Variants in PDE9A observed in about 807,000 individuals in gnomAD.
The protein encoded by PDE9A is phosphodiesterase 9A.
Under a neutral mutation model 87.4 loss-of-function variants are expected in PDE9A, and 60 were observed. The observed-to-expected ratio is 0.69, with a 90% CI of 0.56 to 0.85. The LOEUF is 0.85. Among genes scored for constraint, PDE9A ranks in the 40% least tolerant of loss-of-function variants. The pLI is 0.00. For missense variants in PDE9A, 665 were observed against 779.0 expected, an observed-to-expected ratio of 0.85 and a Z score of 1.74; for synonymous variants, 272 against 279.4, an observed-to-expected ratio of 0.97 and a Z score of 0.27.
intron 4 of PDE9A, among the ~76,000 whole-genome samples, chr21:42,720,387 G>T (rs2050378015): frequency 1.3e-5 from 2 of 152,034 alleles, no homozygotes. Context: ...CCAGCTACTC[G>T]GGAGGCTGAG....
intron 8 of PDE9A, among the ~76,000 whole-genome samples, chr21:42,745,516 G>T (rs943023072): frequency 4.6e-5 from 7 of 152,250 alleles, no homozygotes; most frequent in Admixed American, 6.5e-5. Flanking sequence ...CTCCCAAGTT[G>T]CACAGGGACG....
intron 4 of PDE9A, among the ~76,000 whole-genome samples, chr21:42,726,907 A>G (rs1166905716): frequency 6.6e-6 from 1 of 151,304 alleles, no homozygotes; most frequent in Admixed American, 6.6e-5. Context: ...CCATTGCTCT[A>G]CCTGTCTGTC....
In PDE9A at chr21:42,775,424, AT is replaced by A; in HGVS notation, c.*132del. The A allele has an allele frequency of 1.6e-6, 1 of 606,458 alleles. No homozygotes were observed. The highest frequency in any genetic ancestry group is 3.7e-5 in the Admixed American group (1 of 27,202). 37.6% of individuals were successfully genotyped at this position (606,458 alleles called of 1,614,324 possible). A position where few individuals can be genotyped will look rare whatever the true frequency, so the allele number is the denominator to read the frequency against. ...TTTCTAAGAACCATTTTGTTCACTG[AT>A]ACAAAAAAAAAAAAAGGAATTCATG... On this transcript the variant is annotated 3_prime_UTR_variant, in exon 20 of 20. Coordinates refer to ENST00000291539, the MANE Select transcript of PDE9A (RefSeq NM_002606.3).
rs781161295 is a variant in PDE9A at position 42,753,981 on chromosome 21, C to T, written c.736-9C>T. On this transcript the variant is annotated splice_polypyrimidine_tract_variant and intron_variant, in intron 9 of 19. Coordinates refer to ENST00000291539, the MANE Select transcript of PDE9A (RefSeq NM_002606.3). Reference sequence around the variant, plus strand: ...CGCCTGGTTAACACGGAACTCCTGTCCTTTCTAGTACCTGCTCTCTCCAGA... The same window carrying T: ...CGCCTGGTTAACACGGAACTCCTGTTCTTTCTAGTACCTGCTCTCTCCAGA... The T allele has an allele frequency of 1.5e-5, 24 of 1,599,404 alleles. No homozygotes were observed. The highest frequency in any genetic ancestry group is 2.1e-5 in the Non-Finnish European group (24 of 1,167,566).
At chr21:42,678,791 C>A (rs944169394) in intron 1 of PDE9A, among the ~76,000 whole-genome samples, 1 of 152,206 alleles carries the variant, frequency 6.6e-6, no homozygotes, top group Non-Finnish European at 1.5e-5. Context: ...GTGCAGCAGA[C>A]AGGACCGTCT....
intron 8 of PDE9A, 101 bp from the exon 9 acceptor site, chr21:42,751,015 C>G (rs1005646546): frequency 1.2e-6 from 1 of 804,080 alleles, no homozygotes; most frequent in Non-Finnish European, 2.2e-6. Flanking sequence ...TAAGACCACA[C>G]GGGGCTTGGG....
chr21:42,687,761 GGGA>G (rs1452462502), intron 2 of PDE9A, among the ~76,000 whole-genome samples, 153 bp from the exon 3 acceptor site: 1 of 152,118 alleles, frequency 6.6e-6, no homozygotes, highest in African/African-American at 2.4e-5. Flanking sequence ...CAATGCCCTG[GGGA>G]CGGCCTCCCA....
chr21:42,755,225 A>T (rs1008265035), intron 10 of PDE9A, among the ~76,000 whole-genome samples: 2 of 152,250 alleles, frequency 1.3e-5, no homozygotes, highest in Admixed American at 6.5e-5. Context: ...GGCCGCAGCG[A>T]TGTCTCTGCA....
chr21:42,750,938 C>G (rs2054354403), intron 8 of PDE9A, among the ~76,000 whole-genome samples, 178 bp from the exon 9 acceptor site: 1 of 152,040 alleles, frequency 6.6e-6, no homozygotes, highest in Admixed American at 6.6e-5. Flanking sequence ...GGTCAGAGGT[C>G]AGACAGGTCA....
chr21:42,709,501 C>T (rs1001844090), intron 4 of PDE9A, among the ~76,000 whole-genome samples: 3 of 152,136 alleles, frequency 2.0e-5, no homozygotes, highest in African/African-American at 7.2e-5. Flanking sequence ...TAACCGCCAC[C>T]ACAATCAAGA....
chr21:42,760,735 G>T lies in PDE9A; in HGVS notation c.1003-90G>T. On this transcript the variant is annotated intron_variant, in intron 12 of 19. Coordinates refer to ENST00000291539, the MANE Select transcript of PDE9A (RefSeq NM_002606.3). The surrounding 1 kb of genome is among the most constrained non-coding windows in gnomAD (Gnocchi z 5.2). ...ATGGCTGCAGGGGCCTTTGTCCCCC[G>T]CTTACCACTCACCCAATTCCACCCC... The T allele has an allele frequency of 1.3e-6, 1 of 776,974 alleles. No homozygotes were observed. Among genetic ancestry groups the T allele is most frequent in the South Asian group, 1.5e-5 (1 of 68,030 alleles). The allele number at this position is 776,974 out of a possible 1,614,324, so 48.1% of individuals were successfully genotyped here. A position where few individuals can be genotyped will look rare whatever the true frequency, so the allele number is the denominator to read the frequency against.
rs1215682616 is a variant in PDE9A at position 42,675,181 on chromosome 21, A to G, written c.70-11011A>G. 1.3e-5 allele frequency among the ~76,000 whole-genome samples: 2 copies of G among 152,248 alleles called. No homozygotes were observed. The highest frequency in any genetic ancestry group is 2.9e-5 in the Non-Finnish European group (2 of 68,046). ...CCTGATCATTTTCACTCAGCATTAC[A>G]TCAGCAGCGGTTTCCAATATAGCAT... On this transcript the variant is annotated intron_variant, in intron 1 of 19. Coordinates refer to ENST00000291539, the MANE Select transcript of PDE9A (RefSeq NM_002606.3). This position sits in a 1 kb window ranked among gnomAD's most constrained non-coding sequence, Gnocchi z 4.3.
Position 42,693,872 on chromosome 21 carries a change from G to A in PDE9A, c.219-5096G>A, listed in dbSNP as rs150775146. On this transcript the variant is annotated intron_variant, in intron 3 of 19. Transcript: ENST00000291539. ...CTCCCAAAGTGCTGAGATTACAGGC[G>A]TGAGCCACCATGCCCAGCCCACCCA... 1.6e-3 allele frequency among the ~76,000 whole-genome samples: 246 copies of A among 152,184 alleles called. 2 individuals carry two copies. The East Asian group carries it at 0.045, about 28-fold the overall frequency.
At chr21:42,684,191 A>C (rs1790373924) in intron 1 of PDE9A, among the ~76,000 whole-genome samples, 1 of 152,196 alleles carries the variant, frequency 6.6e-6, no homozygotes, top group Non-Finnish European at 1.5e-5. Flanking sequence ...CTTGCAAACC[A>C]CATCCTGCTT....
Position 42,711,246 on chromosome 21 carries a change from C to T in PDE9A, c.262+12235C>T, listed in dbSNP as rs1450028188. Among the ~76,000 whole-genome samples the T allele has an allele frequency of 4.1e-5, 6 of 147,412 alleles. No individual in the cohort carries two copies. In the East Asian group the frequency reaches 1.2e-3, roughly 29 times the overall value. On this transcript the variant is annotated intron_variant, in intron 4 of 19. Coordinates refer to ENST00000291539, the MANE Select transcript of PDE9A (RefSeq NM_002606.3). ...GTGGTCAGTACTTCTTGTGTCTTCT[C>T]TAATAAGTTTTGTTTTTTTTTTTTT... is the stretch of plus-strand genomic sequence containing the variant.
At chr21:42,772,923 C>T (rs1052405382) in intron 19 of PDE9A, among the ~76,000 whole-genome samples, 30 of 150,720 alleles carry the variant, frequency 2.0e-4, no homozygotes, top group African/African-American at 6.6e-4. Context: ...TGTGAGATTG[C>T]GCCTGACCAA....
intron 1 of PDE9A, among the ~76,000 whole-genome samples, chr21:42,680,883 G>A (rs34586153): frequency 0.023 from 3,513 of 152,322 alleles, 67 homozygotes; most frequent in South Asian, 0.046. Context: ...TGCAGATTGC[G>A]CACTCGAGTT....
intron 1 of PDE9A, among the ~76,000 whole-genome samples, chr21:42,681,296 C>A (rs1304931378): frequency 6.6e-6 from 1 of 152,232 alleles, no homozygotes; most frequent in African/African-American, 2.4e-5. Flanking sequence ...CCTTCCATTA[C>A]GTGGTGTCTA....
intron 3 of PDE9A, among the ~76,000 whole-genome samples, chr21:42,698,504 G>T (rs736397): frequency 0.66 from 99,263 of 151,240 alleles, 33,103 homozygotes; most frequent in East Asian, 0.94. Flanking sequence ...GATGGGGGGA[G>T]GGGGGTTGAC....
Sources: gnomAD v4.1 joint callset for allele counts (sites outside exome capture counted in the v4.1 genomes callset) on GRCh38, gnomAD v4.1.1 for gene constraint, Gnocchi (gnomAD v3.1) non-coding constraint, MANE v1.5 for transcripts, NCBI Gene and HGNC (gene_info 2026-07-23, HGNC 2026-07-21) for gene names.